PICALM: variants seen among roughly 807,000 people sequenced by gnomAD.
The protein encoded by PICALM is phosphatidylinositol binding clathrin assembly protein.
PICALM carries 40 observed loss-of-function variants against 80.5 expected under a neutral mutation model. That is an observed-to-expected ratio of 0.50 (90% confidence interval 0.39 to 0.65). The LOEUF (loss-of-function observed/expected upper bound fraction) is 0.65. PICALM is among the 30% of genes least tolerant of loss of function. The probability of loss-of-function intolerance (pLI) is 0.00; values close to 1 mark genes in which losing one functional copy is unlikely to be tolerated. For synonymous variants in PICALM, 288 were observed against 260.3 expected (o/e 1.11, Z -1.02); for missense variants, 676 against 778.9 (o/e 0.87, Z 1.57).
In PICALM at chr11:86,022,480, A is replaced by G; in HGVS notation, c.350-11T>C. On this transcript the variant is annotated splice_polypyrimidine_tract_variant and intron_variant, in intron 3 of 19. Transcript: ENST00000393346. ...TAGACATGTCATATCCTGTAAAAAA[A>G]CAAAAACAAAAACAAAACAAAGAGA... 3 of 1,300,988 alleles carry G rather than the reference A, an allele frequency of 2.3e-6. No individual in the cohort carries two copies. The highest frequency in any genetic ancestry group is 3.1e-6 in the Non-Finnish European group (3 of 954,488). 80.6% of individuals were successfully genotyped at this position (1,300,988 alleles called of 1,614,324 possible). A position where few individuals can be genotyped will look rare whatever the true frequency, so the allele number is the denominator to read the frequency against.
intron 1 of PICALM, among the ~76,000 whole-genome samples, chr11:86,058,604 C>A (rs1376289162): frequency 6.6e-6 from 1 of 152,158 alleles, no homozygotes; most frequent in African/African-American, 2.4e-5. Flanking sequence ...ATTAAGTAAT[C>A]TAGATTAAGT....
At chr11:86,035,805 G>A (rs554993729) in intron 1 of PICALM, among the ~76,000 whole-genome samples, 14 of 151,488 alleles carry the variant, frequency 9.2e-5, no homozygotes, top group African/African-American at 2.4e-4. Flanking sequence ...AAAATTAGCC[G>A]GGCATGGTGG....
At chr11:86,054,410 G>C (rs537294199) in intron 1 of PICALM, among the ~76,000 whole-genome samples, 3 of 152,306 alleles carry the variant, frequency 2.0e-5, no homozygotes, top group African/African-American at 7.2e-5. Flanking sequence ...GAAGAGCCCA[G>C]AGTTTATCAA....
intron 14 of PICALM, among the ~76,000 whole-genome samples, chr11:85,982,373 T>A (rs2094464601): frequency 6.8e-6 from 1 of 147,926 alleles, no homozygotes; most frequent in Non-Finnish European, 1.5e-5. Flanking sequence ...AATAGCTCTC[T>A]GGAACTTTGA....
At chr11:85,973,347 T>C (rs1592399853) in intron 19 of PICALM, among the ~76,000 whole-genome samples, 2 of 152,200 alleles carry the variant, frequency 1.3e-5, no homozygotes, top group Non-Finnish European at 1.5e-5. Context: ...TTTCACTTTC[T>C]GTGGTTTCAG....
chr11:86,047,088 T>C (rs1030898914), intron 1 of PICALM, among the ~76,000 whole-genome samples: 1 of 152,220 alleles, frequency 6.6e-6, no homozygotes, highest in Non-Finnish European at 1.5e-5. Context: ...AGTGGCTGTG[T>C]TGGAACTACA....
intron 17 of PICALM, among the ~76,000 whole-genome samples, chr11:85,979,924 G>GA (rs1287239174): frequency 6.6e-6 from 1 of 152,132 alleles, no homozygotes; most frequent in East Asian, 1.9e-4. Context: ...CCAAGGACAG[G>GA]AGAATAGCCA....
chr11:86,042,774 T>A (rs1162226455), intron 1 of PICALM, among the ~76,000 whole-genome samples: 1 of 152,024 alleles, frequency 6.6e-6, no homozygotes, highest in Non-Finnish European at 1.5e-5. Context: ...CCACCAATGC[T>A]GTGAACCCAA....
intron 1 of PICALM, among the ~76,000 whole-genome samples, chr11:86,039,112 A>AC (rs1232015353): frequency 6.6e-6 from 1 of 151,078 alleles, no homozygotes; most frequent in Non-Finnish European, 1.5e-5. Context: ...CTCTATCTCA[A>AC]AAAAAAAAAA....
chr11:85,995,847 CTTAACT>C (rs1393657874), intron 12 of PICALM, among the ~76,000 whole-genome samples: 5 of 152,058 alleles, frequency 3.3e-5, no homozygotes, highest in African/African-American at 1.2e-4. Context: ...TTCTAAAATA[CTTAACT>C]TTAAACTATT....
chr11:86,012,897 C>A (rs191227190), intron 5 of PICALM, among the ~76,000 whole-genome samples: 1 of 151,662 alleles, frequency 6.6e-6, no homozygotes, highest in African/African-American at 2.4e-5. Flanking sequence ...TGGATAATAA[C>A]GTGAAAAGAA....
intron 1 of PICALM, among the ~76,000 whole-genome samples, chr11:86,034,588 T>A (rs994771236): frequency 3.9e-5 from 6 of 152,158 alleles, no homozygotes; most frequent in Non-Finnish European, 7.4e-5. Context: ...TCATTATTTA[T>A]CTCAATAACA....
Position 86,041,785 on chromosome 11 carries a change from CTTAAAA to C in PICALM, c.131-10180_131-10175del, listed in dbSNP as rs1243258584. Among the ~76,000 whole-genome samples the C allele has an allele frequency of 3.3e-5, 5 of 152,146 alleles. No homozygotes were observed. In the East Asian group the frequency reaches 7.7e-4, roughly 23 times the overall value. On this transcript the variant is annotated intron_variant, in intron 1 of 19. Coordinates refer to ENST00000393346, the MANE Select transcript of PICALM (RefSeq NM_007166.4). ...TTCAGATCAGTCTAATCTACTGTCT[CTTAAAA>C]TTATCTTTCATTTGTCTCTTTACCC...
chr11:86,008,942 AAAAAAAAGCC>A (rs2095333830), intron 7 of PICALM, among the ~76,000 whole-genome samples: 1 of 142,932 alleles, frequency 7.0e-6, no homozygotes, highest in East Asian at 1.9e-4. Context: ...AAAAGGAAAA[AAAAAAAAGCC>A]AAAAAAAAAA....
intron 3 of PICALM, among the ~76,000 whole-genome samples, chr11:86,025,730 TG>T (rs1239462004): frequency 6.6e-6 from 1 of 151,962 alleles, no homozygotes; most frequent in African/African-American, 2.4e-5. Flanking sequence ...GGCTAATTTT[TG>T]TATTTTTAGT....
At chr11:86,068,597 GCGCGCGGGT>G in intron 1 of PICALM, 45 bp downstream of exon 1, 1 of 1,546,954 alleles carries the variant, frequency 6.5e-7, no homozygotes, top group East Asian at 2.3e-5. Context: ...AGAGAAGGAC[GCGCGCGGGT>G]CGCGCGGGCG....
intron 7 of PICALM, among the ~76,000 whole-genome samples, chr11:86,009,028 G>A (rs1035954588): frequency 7.9e-5 from 12 of 151,654 alleles, no homozygotes; most frequent in Non-Finnish European, 1.5e-4. Context: ...GAGCAGGCTG[G>A]GTGTGGTGGC....
At chr11:86,010,492 A>G (rs543592446) in intron 7 of PICALM, among the ~76,000 whole-genome samples, 94 of 152,188 alleles carry the variant, frequency 6.2e-4, no homozygotes, top group Middle Eastern at 3.4e-3. Context: ...ATGACTGGCT[A>G]ATTTTTGTAT....
At position 85,965,828 on chromosome 11, in the gene PICALM, T is replaced by G. The variant is rs566739577; in HGVS notation, c.1945-6768A>C. Among the ~76,000 whole-genome samples, 47 of 145,890 alleles carry G rather than the reference T, an allele frequency of 3.2e-4. 1 individual carries two copies. The highest frequency in any genetic ancestry group is 2.7e-3 in the South Asian group (12 of 4,388). ...TTTTGTTTTTTTGTTTTTTTTTTTT[T>G]TTTTTTTTTTGAGACAGACTCTCTG... On this transcript the variant is annotated intron_variant, in intron 19 of 19. Coordinates refer to ENST00000393346, the MANE Select transcript of PICALM (RefSeq NM_007166.4).
Sources: gnomAD v4.1 joint callset for allele counts (sites outside exome capture counted in the v4.1 genomes callset) on GRCh38, gnomAD v4.1.1 for gene constraint, MANE v1.5 for transcripts, NCBI Gene and HGNC (gene_info 2026-07-23, HGNC 2026-07-21) for gene names.